VIPAS39: variants seen among roughly 807,000 people sequenced by gnomAD.
VIPAS39 encodes spermatogenesis-defective protein 39 homolog.
In VIPAS39, 63 loss-of-function variants were observed where a neutral mutation model predicts 84.7. The observed-to-expected ratio is 0.74, with a 90% CI of 0.61 to 0.92. VIPAS39 has a LOEUF of 0.92. VIPAS39 is among the 40% of genes least tolerant of loss of function. The pLI is 0.00. For synonymous variants in VIPAS39, 192 were observed against 216.5 expected, an observed-to-expected ratio of 0.89 and a Z score of 0.99; for missense variants, 499 against 604.5, an observed-to-expected ratio of 0.83 and a Z score of 1.83.
Position 77,457,544 on chromosome 14 carries a change from C to T in VIPAS39, c.-50G>A. The T allele has an allele frequency of 4.3e-6, 3 of 689,970 alleles. No homozygotes were observed. Among genetic ancestry groups the T allele is most frequent in the South Asian group, 1.8e-5 (1 of 54,078 alleles). 42.7% of individuals were successfully genotyped at this position (689,970 alleles called of 1,614,324 possible). A position where few individuals can be genotyped will look rare whatever the true frequency, so the allele number is the denominator to read the frequency against. ...TCAGGACAGCGCCAGCCTCCGCCGC[C>T]GCTGGACCAGCCCTTCTATTCAGGC... On this transcript the variant is annotated 5_prime_UTR_variant, in exon 1 of 20. Coordinates refer to ENST00000557658, the MANE Select transcript of VIPAS39 (RefSeq NM_001193315.2).
intron 4 of VIPAS39, 41 bp downstream of exon 4, chr14:77,451,146 A>G: frequency 6.2e-7 from 1 of 1,613,946 alleles, no homozygotes; most frequent in Non-Finnish European, 8.5e-7. Flanking sequence ...TTTCTGGAAA[A>G]AGAGAAGGAC....
chr14:77,446,559 TCAA>T (rs1263003212), intron 7 of VIPAS39, among the ~76,000 whole-genome samples: 1 of 152,160 alleles, frequency 6.6e-6, no homozygotes, highest in Non-Finnish European at 1.5e-5. Context: ...AATAAAAATC[TCAA>T]CAACTCTTTT....
At chr14:77,437,532 CA>C (rs770474634) in intron 12 of VIPAS39, among the ~76,000 whole-genome samples, 16 of 152,018 alleles carry the variant, frequency 1.1e-4, no homozygotes, top group Non-Finnish European at 1.9e-4. Flanking sequence ...CAAAATCCTA[CA>C]ATAAAAGATA....
intron 7 of VIPAS39, 57 bp from the exon 8 acceptor site, chr14:77,444,398 T>C: frequency 6.8e-7 from 1 of 1,469,972 alleles, no homozygotes; most frequent in Non-Finnish European, 9.5e-7. Flanking sequence ...TATTCCTTTG[T>C]TGCTGGATAC....
Position 77,437,849 on chromosome 14 carries a change from C to G in VIPAS39, c.795G>C (p.Gln265His). 1 of 1,614,080 alleles carries G rather than the reference C, an allele frequency of 6.2e-7. No homozygotes were observed. The highest frequency in any genetic ancestry group is 8.5e-7 in the Non-Finnish European group (1 of 1,180,016). Residue 265 changes from glutamine to histidine, a missense_variant, in exon 12 of 20, where the codon CAG becomes CAC. Transcript: ENST00000557658. The part of the protein sequence containing the change: ...LSHYREHLNI[Q>H]DPDKRKEFLK... ...GAAATTCTTTTCGTTTGTCAGGGTC[C>G]TGAATGTTCAAATGCTCTCGATAAT...
intron 11 of VIPAS39, among the ~76,000 whole-genome samples, chr14:77,440,031 C>T (rs960011382): frequency 2.1e-4 from 32 of 152,140 alleles, no homozygotes; most frequent in African/African-American, 6.7e-4. Context: ...TACAGGCATG[C>T]GCCACCATGC....
chr14:77,427,551 GCT>G lies in VIPAS39; in HGVS notation c.*63_*64del, dbSNP rs753752687. ...GATGCCGCAGCTCTCCCAAAGAAGA[GCT>G]CTCTCTGCTTTCACAGGCAGGAGAG... is the stretch of plus-strand genomic sequence containing the variant. On this transcript the variant is annotated 3_prime_UTR_variant, in exon 20 of 20. Transcript: ENST00000557658. 6.2e-7 allele frequency: 1 copy of G among 1,606,304 alleles called. No homozygotes were observed. The highest frequency in any genetic ancestry group is 1.1e-5 in the South Asian group (1 of 90,916).
At chr14:77,449,814 G>C in intron 4 of VIPAS39, 62 bp from the exon 5 acceptor site, 2 of 1,589,656 alleles carry the variant, frequency 1.3e-6, no homozygotes, top group Admixed American at 1.7e-5. Context: ...ATCCAGGCTT[G>C]GTTAAAGACA....
intron 14 of VIPAS39, 47 bp from the exon 15 acceptor site, chr14:77,434,350 AG>A (rs2078571574): frequency 6.4e-7 from 1 of 1,560,142 alleles, no homozygotes; most frequent in South Asian, 1.1e-5. Flanking sequence ...GACTTTCCCA[AG>A]TACCACCCAA....
intron 12 of VIPAS39, among the ~76,000 whole-genome samples, chr14:77,436,495 A>G (rs1239481343): frequency 6.6e-6 from 1 of 152,148 alleles, no homozygotes; most frequent in Non-Finnish European, 1.5e-5. Context: ...CCCAGGCTGG[A>G]GTGCAGTGGC....
Position 77,429,749 on chromosome 14 carries a change from T to A in VIPAS39, c.1198A>T (p.Lys400Ter). ...FTTKNWLGYT[K>*]KRAPIGFHRV... The stretch of plus-strand genomic sequence containing the variant: ...TGGAAGCCAATGGGTGCTCTCTTCT[T>A]GGTATAGCCCAGCCAGTTCTGAAAG... Residue 400 changes from lysine (K) to a stop codon, truncating the protein, a stop_gained, in exon 17 of 20, where the codon AAG becomes TAG. Transcript: ENST00000557658. LOFTEE classifies it high-confidence loss of function. The A allele has an allele frequency of 6.2e-7, 1 of 1,614,172 alleles. No homozygotes were observed. Among genetic ancestry groups the A allele is most frequent in the Middle Eastern group, 1.6e-4 (1 of 6,062 alleles).
intron 2 of VIPAS39, 42 bp from the exon 3 acceptor site, chr14:77,453,443 AT>A: frequency 6.4e-7 from 1 of 1,566,984 alleles, no homozygotes. Flanking sequence ...GCAAATCATC[AT>A]TTCCCACCTC....
Position 77,430,624 on chromosome 14 carries a change from G to A in VIPAS39, c.1180-857C>T, listed in dbSNP as rs1206076483. On this transcript the variant is annotated intron_variant, in intron 16 of 19. Coordinates refer to ENST00000557658, the MANE Select transcript of VIPAS39 (RefSeq NM_001193315.2). ...CCCAGCTACTCGGGAGGTTGAGGCA[G>A]GAGATTCAGTGGAACCCTGGAGGCA... Among the ~76,000 whole-genome samples, 4 of 151,210 alleles carry A rather than the reference G, an allele frequency of 2.6e-5. No individual in the cohort carries two copies. The East Asian group carries it at 7.8e-4, about 30-fold the overall frequency.
In VIPAS39 at chr14:77,429,688, G is replaced by T; in HGVS notation, c.1259C>A (p.Pro420His). ...VVEILHKNNA[P>H]VQILQEYVNL... The stretch of plus-strand genomic sequence containing the variant: ...CTCTTCAGGACCCATTACCTGCACA[G>T]GGGCATTGTTCTTGTGCAAAATTTC... The change falls in exon 17 of 20, where the codon CCT becomes CAT. Residue 420 changes from proline (P) to histidine (H), a missense_variant. Transcript: ENST00000557658. 2 of 1,614,118 alleles carry T rather than the reference G, an allele frequency of 1.2e-6. No individual in the cohort carries two copies. The highest frequency in any genetic ancestry group is 1.7e-6 in the Non-Finnish European group (2 of 1,179,984).
chr14:77,449,899 T>C lies in VIPAS39; in HGVS notation c.344-147A>G. On this transcript the variant is annotated intron_variant, in intron 4 of 19. Transcript: ENST00000557658. ...AAGGTTTTATTCATCTGTAGAAATC[T>C]GAAGTGCCATTAAAAAATGGAGCAG... 4 of 973,240 alleles carry C rather than the reference T, an allele frequency of 4.1e-6. No individual in the cohort carries two copies. The South Asian group carries it at 5.8e-5, about 14-fold the overall frequency. The allele number at this position is 973,240 out of a possible 1,614,324, so 60.3% of individuals were successfully genotyped here.
chr14:77,450,338 G>A (rs899135824), intron 4 of VIPAS39, among the ~76,000 whole-genome samples: 3 of 152,180 alleles, frequency 2.0e-5, no homozygotes, highest in Non-Finnish European at 4.4e-5. Context: ...TCCGCTGCAT[G>A]TATATGGCAC....
intron 16 of VIPAS39, among the ~76,000 whole-genome samples, chr14:77,432,334 G>A (rs1028645631): frequency 2.0e-5 from 3 of 152,132 alleles, no homozygotes; most frequent in Non-Finnish European, 4.4e-5. Flanking sequence ...ATGTAAATTA[G>A]TGCAGCCATC....
chr14:77,449,781 G>C (rs1396191624), intron 4 of VIPAS39, 29 bp from the exon 5 acceptor site: 1 of 1,613,910 alleles, frequency 6.2e-7, no homozygotes, highest in African/African-American at 1.3e-5. Flanking sequence ...AGAGGGAAAA[G>C]GTCAACAGTT....
At chr14:77,447,255 C>T (rs977046014) in intron 7 of VIPAS39, among the ~76,000 whole-genome samples, 1 of 151,962 alleles carries the variant, frequency 6.6e-6, no homozygotes, top group Non-Finnish European at 1.5e-5. Context: ...AAACTCCCAA[C>T]CTCAGGTGAT....
Sources: allele counts gnomAD v4.1 joint callset (sites outside exome capture counted in the v4.1 genomes callset), GRCh38; gene constraint gnomAD v4.1.1; transcripts MANE v1.5; gene names NCBI Gene and HGNC (gene_info 2026-07-23, HGNC 2026-07-21).